RCAN2: variants seen among roughly 807,000 people sequenced by gnomAD.
RCAN2 encodes the protein calcipressin-2.
In RCAN2, 9 loss-of-function variants were observed where a neutral mutation model predicts 23.6. That is an observed-to-expected ratio of 0.38 (90% CI 0.23 to 0.67). RCAN2 has a LOEUF of 0.67. Ranked by LOEUF, RCAN2 falls within the 30% of genes least tolerant of loss-of-function variation. The probability of loss-of-function intolerance (pLI) is 0.51; values close to 1 mark genes in which losing one functional copy is unlikely to be tolerated. For missense variants in RCAN2, 273 were observed against 302.3 expected (o/e 0.90, Z 0.72); for synonymous variants, 109 against 115.7 (o/e 0.94, Z 0.37).
chr6:46,360,053 A>T (rs921080626), intron 2 of RCAN2, among the ~76,000 whole-genome samples: 1 of 151,946 alleles, frequency 6.6e-6, no homozygotes, highest in Non-Finnish European at 1.5e-5. Context: ...GCCTTCCTAA[A>T]CCTAGTGTTT....
At chr6:46,379,240 C>T (rs1765558857) in intron 2 of RCAN2, among the ~76,000 whole-genome samples, 1 of 152,096 alleles carries the variant, frequency 6.6e-6, no homozygotes, top group African/African-American at 2.4e-5. Context: ...AAACAAAGAG[C>T]CTCTTTGCTG....
intron 4 of RCAN2, among the ~76,000 whole-genome samples, chr6:46,234,867 C>T (rs1275766684): frequency 5.3e-5 from 8 of 152,224 alleles, no homozygotes; most frequent in Non-Finnish European, 1.2e-4. Flanking sequence ...CCCAATTCCT[C>T]TATGACTGGA....
intron 2 of RCAN2, among the ~76,000 whole-genome samples, chr6:46,395,054 A>G (rs1347845205): frequency 6.6e-6 from 1 of 152,214 alleles, no homozygotes; most frequent in Non-Finnish European, 1.5e-5. Flanking sequence ...AGAAGTTGCC[A>G]GGAGTGGTGA....
At chr6:46,388,142 TACC>T (rs1258139825) in intron 2 of RCAN2, among the ~76,000 whole-genome samples, 1 of 151,954 alleles carries the variant, frequency 6.6e-6, no homozygotes, top group African/African-American at 2.4e-5. Context: ...TTAGGAGATA[TACC>T]CAATGTAAAT....
chr6:46,425,764 G>A (rs1276560961), intron 2 of RCAN2, among the ~76,000 whole-genome samples: 1 of 151,654 alleles, frequency 6.6e-6, no homozygotes, highest in Non-Finnish European at 1.5e-5. Flanking sequence ...ATCTTCAGAA[G>A]CTCAGCCATC....
rs182155362 is a variant in RCAN2 at position 46,463,252 on chromosome 6, C to T, written c.-2-6274G>A. Among the ~76,000 whole-genome samples the T allele has an allele frequency of 3.7e-3, 562 of 152,246 alleles. 2 individuals are homozygous for T. The highest frequency in any genetic ancestry group is 6.9e-3 in the Non-Finnish European group (468 of 67,986). On this transcript the variant is annotated intron_variant, in intron 1 of 4. Transcript: ENST00000371374. ...GCATGATAAGAAAAAGCATACGAAG[C>T]ATAGAAAATAAGTTTTGAGTTAAAG...
At chr6:46,446,804 A>T (rs1002015472) in intron 2 of RCAN2, among the ~76,000 whole-genome samples, 3 of 152,178 alleles carry the variant, frequency 2.0e-5, no homozygotes, top group Admixed American at 1.3e-4. Context: ...TGTAAGCCTC[A>T]TGATACAAAG....
intron 1 of RCAN2, among the ~76,000 whole-genome samples, chr6:46,482,819 A>G (rs1308124487): frequency 6.6e-6 from 1 of 152,234 alleles, no homozygotes; most frequent in Non-Finnish European, 1.5e-5. Context: ...AAAGCATGGC[A>G]TATGTTTAAT....
At chr6:46,294,442 C>T (rs1230004914) in intron 2 of RCAN2, among the ~76,000 whole-genome samples, 2 of 151,882 alleles carry the variant, frequency 1.3e-5, no homozygotes, top group African/African-American at 2.4e-5. Flanking sequence ...ATTATTTAAC[C>T]AAATAATTTC....
intron 2 of RCAN2, among the ~76,000 whole-genome samples, chr6:46,353,308 G>A (rs1457921769): frequency 6.6e-6 from 1 of 152,010 alleles, no homozygotes; most frequent in African/African-American, 2.4e-5. Flanking sequence ...CTTTCTCATC[G>A]TGTACCTGAA....
intron 2 of RCAN2, among the ~76,000 whole-genome samples, chr6:46,322,860 T>C (rs968362803): frequency 3.9e-5 from 6 of 152,246 alleles, no homozygotes; most frequent in Non-Finnish European, 8.8e-5. Context: ...AATTTTACGT[T>C]TGAACCTTTC....
intron 2 of RCAN2, among the ~76,000 whole-genome samples, chr6:46,356,661 T>G (rs1364358393): frequency 6.6e-6 from 1 of 152,164 alleles, no homozygotes; most frequent in African/African-American, 2.4e-5. Context: ...AGGGAGGTGC[T>G]GTGATGCCCA....
At chr6:46,481,816 T>G (rs775639248) in intron 1 of RCAN2, among the ~76,000 whole-genome samples, 1 of 152,164 alleles carries the variant, frequency 6.6e-6, no homozygotes, top group Non-Finnish European at 1.5e-5. Context: ...ATTGCCATGA[T>G]TGACAATAGA....
At chr6:46,440,000 G>A (rs4714933) in intron 2 of RCAN2, among the ~76,000 whole-genome samples, 71,956 of 151,910 alleles carry the variant, frequency 0.47, 17,276 homozygotes, top group East Asian at 0.61. Flanking sequence ...ACAACTTGAC[G>A]GAACATAATA....
At chr6:46,259,525 G>C (rs1767041031) in intron 2 of RCAN2, among the ~76,000 whole-genome samples, 1 of 152,086 alleles carries the variant, frequency 6.6e-6, no homozygotes, top group South Asian at 2.1e-4. Context: ...CAAAACATTG[G>C]TTTTTCTATA....
At chr6:46,382,172 G>A (rs1276929619) in intron 2 of RCAN2, among the ~76,000 whole-genome samples, 3 of 152,114 alleles carry the variant, frequency 2.0e-5, no homozygotes, top group African/African-American at 7.2e-5. Flanking sequence ...TTTACATTTT[G>A]GATAATTCAC....
intron 1 of RCAN2, among the ~76,000 whole-genome samples, chr6:46,477,704 A>G (rs193021712): frequency 6.6e-6 from 1 of 152,214 alleles, no homozygotes; most frequent in Non-Finnish European, 1.5e-5. Context: ...GTCGTTACCA[A>G]TTCCTACAAA....
intron 1 of RCAN2, among the ~76,000 whole-genome samples, chr6:46,464,220 T>C (rs1768308809): frequency 6.6e-6 from 1 of 152,220 alleles, no homozygotes; most frequent in South Asian, 2.1e-4. Context: ...TAAGGTTAAA[T>C]GAGCCAAGTT....
chr6:46,312,012 T>C (rs756132788), intron 2 of RCAN2, among the ~76,000 whole-genome samples: 3 of 152,194 alleles, frequency 2.0e-5, no homozygotes, highest in Admixed American at 6.5e-5. Flanking sequence ...TATGTGTAAC[T>C]TCTGGAGTCT....
Sources: gnomAD v4.1 joint callset for allele counts (sites outside exome capture counted in the v4.1 genomes callset) on GRCh38, gnomAD v4.1.1 for gene constraint, MANE v1.5 for transcripts, NCBI Gene and HGNC (gene_info 2026-07-23, HGNC 2026-07-21) for gene names.